STS: variants seen among roughly 807,000 people sequenced by gnomAD.
The protein encoded by STS is steroid sulfatase, also known as steryl-sulfatase.
Under a neutral mutation model 26.8 loss-of-function variants are expected in STS, and 7 were observed. The observed-to-expected ratio is 0.26, with a 90% CI of 0.15 to 0.49. STS has a LOEUF of 0.49. Ranked by LOEUF, STS falls within the 20% of genes least tolerant of loss-of-function variation. The pLI is 0.98. For synonymous variants in STS, 199 were observed against 189.4 expected (o/e 1.05, Z -0.42); for missense variants, 434 against 465.6 (o/e 0.93, Z 0.63).
intron 2 of STS, among the ~76,000 whole-genome samples, chrX:7,191,871 T>A (rs867015532): frequency 1.5e-4 from 17 of 112,696 alleles, no homozygotes; most frequent in Non-Finnish European, 1.1e-4. Flanking sequence ...GGTCCCTGCC[T>A]GCAGGAAGAG....
chrX:7,257,303 T>A lies in STS; in HGVS notation c.199T>A (p.Ser67Thr). ...GAAACTCACTCAGCACCTGGCAGCA[T>A]CACCGCTGTGCACACCAAGCAGGGC... ...GVKLTQHLAA[S>T]PLCTPSRAAF... Residue 67 changes from serine to threonine, a missense_variant, in exon 4 of 11, where the codon TCA becomes ACA. Around this residue, in one of 2 missense-constraint regions of STS, gnomAD observed 229 missense variants for 288.3 expected, o/e 0.79. Transcript: ENST00000674429. 8.3e-7 allele frequency: 1 copy of A among 1,211,961 alleles called. No individual in the cohort carries two copies. Among genetic ancestry groups the A allele is most frequent in the Non-Finnish European group, 1.1e-6 (1 of 895,477 alleles).
At chrX:7,208,908 G>A (rs1435250447) in intron 2 of STS, among the ~76,000 whole-genome samples, 2 of 111,057 alleles carry the variant, frequency 1.8e-5, no homozygotes, top group African/African-American at 3.3e-5. Flanking sequence ...CCTACCTTCC[G>A]GGCTGCTGGG....
intron 7 of STS, among the ~76,000 whole-genome samples, chrX:7,277,436 GT>G (rs1924595115): frequency 1.8e-5 from 2 of 111,768 alleles, no homozygotes; most frequent in Admixed American, 1.9e-4. Flanking sequence ...GTCACCTACT[GT>G]GGTGATTGTC....
intron 2 of STS, chrX:7,219,782 C>G (rs892484909): frequency 1.0e-6 from 1 of 960,647 alleles, no homozygotes; most frequent in Admixed American, 2.2e-5. Context: ...GTTGCATATT[C>G]TCCCAACATG....
At chrX:7,301,023 A>G (rs772952851) in intron 7 of STS, among the ~76,000 whole-genome samples, 22 of 111,327 alleles carry the variant, frequency 2.0e-4, no homozygotes, top group Non-Finnish European at 4.0e-4. Flanking sequence ...AAACTCTGTG[A>G]CACCCCAGCC....
At chrX:7,301,300 G>C (rs778657732) in intron 7 of STS, among the ~76,000 whole-genome samples, 1 of 110,203 alleles carries the variant, frequency 9.1e-6, no homozygotes, top group African/African-American at 3.3e-5. Context: ...GCTGAGGTGG[G>C]AGGATCACTT....
chrX:7,273,946 A>G (rs1275567451), intron 6 of STS, among the ~76,000 whole-genome samples: 1 of 111,320 alleles, frequency 9.0e-6, no homozygotes, highest in African/African-American at 3.3e-5. Flanking sequence ...CTTCCTGGAA[A>G]AGGGGAACAG....
At chrX:7,322,198 GA>G (rs770962840) in intron 8 of STS, among the ~76,000 whole-genome samples, 1 of 112,422 alleles carries the variant, frequency 8.9e-6, no homozygotes, top group East Asian at 2.8e-4. Context: ...CAGGTTAGGA[GA>G]GGGGAGAAGA....
intron 2 of STS, among the ~76,000 whole-genome samples, chrX:7,197,746 C>G (rs1933996788): frequency 9.0e-6 from 1 of 111,418 alleles, no homozygotes; most frequent in East Asian, 2.8e-4. Context: ...CCGTAAACAT[C>G]TAGAGGCTAG....
chrX:7,210,529 A>G (rs1287699831), intron 2 of STS, among the ~76,000 whole-genome samples: 1 of 107,408 alleles, frequency 9.3e-6, no homozygotes, highest in African/African-American at 3.3e-5. Flanking sequence ...AGATGTATGT[A>G]TAATAAATAA....
chrX:7,259,169 A>G (rs1279320854), intron 5 of STS, among the ~76,000 whole-genome samples, 180 bp from the exon 6 acceptor site: 1 of 111,576 alleles, frequency 9.0e-6, no homozygotes, highest in Non-Finnish European at 1.9e-5. Flanking sequence ...TAGAGTGAGT[A>G]GGTAATACCT....
intron 7 of STS, among the ~76,000 whole-genome samples, chrX:7,301,138 T>C (rs1429003716): frequency 9.1e-6 from 1 of 110,184 alleles, no homozygotes; most frequent in Non-Finnish European, 1.9e-5. Context: ...ATTTAAAAAA[T>C]TAACAGAAGG....
At chrX:7,307,790 G>A (rs994859607) in intron 8 of STS, among the ~76,000 whole-genome samples, 2 of 111,977 alleles carry the variant, frequency 1.8e-5, no homozygotes, top group African/African-American at 3.2e-5. Context: ...GTCAGTCAGA[G>A]TTCAGTCCTC....
intron 5 of STS, among the ~76,000 whole-genome samples, 156 bp from the exon 6 acceptor site, chrX:7,259,193 G>GA (rs1471527722): frequency 1.8e-5 from 2 of 110,962 alleles, no homozygotes; most frequent in African/African-American, 3.3e-5. Flanking sequence ...CGTTTGTGGG[G>GA]AAAAAAAAGT....
At chrX:7,178,609 A>G (rs1194243456) in intron 1 of STS, among the ~76,000 whole-genome samples, 3 of 111,975 alleles carry the variant, frequency 2.7e-5, no homozygotes, top group Non-Finnish European at 3.8e-5. Flanking sequence ...TCAATTCTAA[A>G]TGCCCTCAAG....
intron 2 of STS, among the ~76,000 whole-genome samples, chrX:7,237,803 C>A (rs771940573): frequency 9.0e-6 from 1 of 111,068 alleles, no homozygotes; most frequent in Admixed American, 9.6e-5. Context: ...TACATTCTAC[C>A]CAATAAGTAG....
chrX:7,325,575 T>G, intron 9 of STS, 77 bp downstream of exon 9: 1 of 1,133,450 alleles, frequency 8.8e-7, no homozygotes, highest in Non-Finnish European at 1.2e-6. Context: ...GCCTGCATAA[T>G]GGTGTGGGGA....
At chrX:7,208,944 A>G (rs1896099838) in intron 2 of STS, among the ~76,000 whole-genome samples, 1 of 111,200 alleles carries the variant, frequency 9.0e-6, no homozygotes, top group African/African-American at 3.3e-5. Context: ...CAAGGCTGGC[A>G]GCATAGTGTC....
intron 2 of STS, among the ~76,000 whole-genome samples, chrX:7,207,246 G>C (rs1320194249): frequency 8.9e-6 from 1 of 111,826 alleles, no homozygotes; most frequent in Non-Finnish European, 1.9e-5. Flanking sequence ...TTAAAGAGTT[G>C]CTGATTGATT....
Sources: gnomAD v4.1 joint callset for allele counts (sites outside exome capture counted in the v4.1 genomes callset) on GRCh38, gnomAD v4.1.1 for gene constraint, gnomAD v4.1.1 regional missense constraint, MANE v1.5 for transcripts, NCBI Gene and HGNC (gene_info 2026-07-23, HGNC 2026-07-21) for gene names.